The following CEP128 variants were observed in gnomAD, a reference collection of about 807,000 sequenced individuals.
CEP128 encodes centrosomal protein 128kDa.
CEP128 carries 132 observed loss-of-function variants against 156.7 expected under a neutral mutation model. That is an observed-to-expected ratio of 0.84 (90% CI 0.73 to 0.97). The LOEUF is 0.97. Among genes scored for constraint, CEP128 ranks in the 50% least tolerant of loss-of-function variants. CEP128 has a pLI of 0.00. For synonymous variants in CEP128, 469 were observed against 448.9 expected (o/e 1.04, Z -0.57); for missense variants, 1,252 against 1,281.9 (o/e 0.98, Z 0.36).
intron 18 of CEP128, among the ~76,000 whole-genome samples, chr14:80,754,902 C>A (rs1188333114): frequency 6.6e-6 from 1 of 152,186 alleles, no homozygotes; most frequent in Non-Finnish European, 1.5e-5. Context: ...CCCTCATCTA[C>A]GGAAACTGCT....
At chr14:80,622,339 T>C (rs1278415114) in intron 19 of CEP128, among the ~76,000 whole-genome samples, 1 of 151,810 alleles carries the variant, frequency 6.6e-6, no homozygotes, top group Non-Finnish European at 1.5e-5. Flanking sequence ...ACGTTAGACC[T>C]AAAACCATAA....
chr14:80,821,636 C>T (rs1042431990), intron 13 of CEP128, among the ~76,000 whole-genome samples: 9 of 126,182 alleles, frequency 7.1e-5, no homozygotes, highest in East Asian at 2.3e-4. Context: ...CACACACACA[C>T]ACACACATGC....
intron 19 of CEP128, among the ~76,000 whole-genome samples, chr14:80,664,165 A>T (rs1895516117): frequency 2.6e-5 from 4 of 152,152 alleles, no homozygotes; most frequent in Non-Finnish European, 5.9e-5. Flanking sequence ...TCTAGGTAAT[A>T]CCTAAAAATC....
At chr14:80,739,401 A>G (rs1898691978) in intron 19 of CEP128, among the ~76,000 whole-genome samples, 1 of 152,066 alleles carries the variant, frequency 6.6e-6, no homozygotes, top group Non-Finnish European at 1.5e-5. Context: ...GTTCTTTCCA[A>G]CATTCACTTC....
In CEP128 at chr14:80,678,049, A is replaced by AAAAATATATATAT; in HGVS notation, c.2806+65025_2806+65026insATATATATATTTT. ...ATGGACAGTTGCTCTATAAAAAAAA[A>AAAAATATATATAT]ATATATATATATATGTATATATATA... On this transcript the variant is annotated intron_variant, in intron 19 of 24. Coordinates refer to ENST00000555265, the MANE Select transcript of CEP128 (RefSeq NM_152446.5). Among the ~76,000 whole-genome samples the AAAAATATATATAT allele has an allele frequency of 7.1e-5, 7 of 98,502 alleles. 1 individual carries two copies. Among genetic ancestry groups the AAAAATATATATAT allele is most frequent in the African/African-American group, 1.9e-4 (6 of 31,718 alleles). The allele number at this position is 98,502 out of a possible 152,430, so 64.6% of individuals were successfully genotyped here.
chr14:80,568,032 C>T (rs544591643), intron 20 of CEP128, among the ~76,000 whole-genome samples: 1 of 152,046 alleles, frequency 6.6e-6, no homozygotes, highest in South Asian at 2.1e-4. Flanking sequence ...AATCATATTG[C>T]AAGAATGATT....
At chr14:80,556,244 T>G (rs981381324) in intron 21 of CEP128, among the ~76,000 whole-genome samples, 43 of 152,172 alleles carry the variant, frequency 2.8e-4, no homozygotes, top group Non-Finnish European at 1.3e-4. Flanking sequence ...CCAAATAGCA[T>G]ATAGCACTGA....
chr14:80,623,786 T>C (rs1317910045), intron 19 of CEP128, among the ~76,000 whole-genome samples: 1 of 152,118 alleles, frequency 6.6e-6, no homozygotes, highest in African/African-American at 2.4e-5. Context: ...ATTTTTCCTT[T>C]TATTTTCAGT....
In CEP128 at chr14:80,505,840, C is replaced by T. The variant is rs546923239; in HGVS notation, c.3073-820G>A. Among the ~76,000 whole-genome samples, 3 of 152,254 alleles carry T rather than the reference C, an allele frequency of 2.0e-5. No individual in the cohort carries two copies. In the East Asian group the frequency reaches 5.8e-4, roughly 29 times the overall value. Reference sequence around the variant, plus strand: ...GTACTTGTGGTTTTTTTCCTTCTTTCACTCATTCATTCATTCATTCACAAT... The same window carrying T: ...GTACTTGTGGTTTTTTTCCTTCTTTTACTCATTCATTCATTCATTCACAAT... On this transcript the variant is annotated intron_variant, in intron 23 of 24. Coordinates refer to ENST00000555265, the MANE Select transcript of CEP128 (RefSeq NM_152446.5).
intron 8 of CEP128, among the ~76,000 whole-genome samples, chr14:80,893,715 G>A (rs1566698763): frequency 6.6e-6 from 1 of 151,894 alleles, no homozygotes; most frequent in Admixed American, 6.6e-5. Context: ...GGGTGGGTAA[G>A]AAATTTTGGG....
chr14:80,701,882 G>A (rs117824497), intron 19 of CEP128, among the ~76,000 whole-genome samples: 415 of 152,240 alleles, frequency 2.7e-3, no homozygotes, highest in Middle Eastern at 0.01. Flanking sequence ...TTGCAGCCAC[G>A]ATGCCTTTGC....
chr14:80,694,301 G>A (rs974605307), intron 19 of CEP128, among the ~76,000 whole-genome samples: 3 of 152,106 alleles, frequency 2.0e-5, no homozygotes, highest in Admixed American at 6.6e-5. Context: ...CGCCGTTGGT[G>A]GGAGTGTAAA....
chr14:80,789,792 A>G (rs946664514), intron 14 of CEP128, among the ~76,000 whole-genome samples: 1 of 151,924 alleles, frequency 6.6e-6, no homozygotes, highest in Non-Finnish European at 1.5e-5. Context: ...ACGTGAATAC[A>G]AAGTATTATA....
intron 19 of CEP128, among the ~76,000 whole-genome samples, chr14:80,671,272 C>T (rs1895829968): frequency 6.6e-6 from 1 of 152,098 alleles, no homozygotes; most frequent in Non-Finnish European, 1.5e-5. Context: ...TTAAAGGCAG[C>T]CTATTAAATT....
At chr14:80,642,561 T>C (rs1894462498) in intron 19 of CEP128, among the ~76,000 whole-genome samples, 2 of 152,018 alleles carry the variant, frequency 1.3e-5, no homozygotes, top group Admixed American at 1.3e-4. Context: ...TGCATGCTTG[T>C]GGTCCCAACT....
chr14:80,900,935 G>A (rs372032825), intron 6 of CEP128, among the ~76,000 whole-genome samples: 15 of 151,932 alleles, frequency 9.9e-5, no homozygotes, highest in African/African-American at 3.6e-4. Flanking sequence ...GGCCGGGCGC[G>A]GTGGCTCACG....
intron 9 of CEP128, among the ~76,000 whole-genome samples, chr14:80,841,107 A>T (rs1886329849): frequency 6.6e-6 from 1 of 152,150 alleles, no homozygotes; most frequent in Non-Finnish European, 1.5e-5. Flanking sequence ...AAAGTTAAGA[A>T]AATACACATT....
chr14:80,714,437 T>C (rs1897528931), intron 19 of CEP128, among the ~76,000 whole-genome samples: 1 of 152,182 alleles, frequency 6.6e-6, no homozygotes, highest in African/African-American at 2.4e-5. Context: ...AAGGCCATTA[T>C]GTACATAGAG....
At chr14:80,658,746 A>C (rs1895277608) in intron 19 of CEP128, among the ~76,000 whole-genome samples, 1 of 152,188 alleles carries the variant, frequency 6.6e-6, no homozygotes, top group Non-Finnish European at 1.5e-5. Flanking sequence ...AAGAATTTGA[A>C]ACAGGCACAA....
Sources: gnomAD v4.1 joint callset for allele counts (sites outside exome capture counted in the v4.1 genomes callset) on GRCh38, gnomAD v4.1.1 for gene constraint, MANE v1.5 for transcripts, NCBI Gene and HGNC (gene_info 2026-07-23, HGNC 2026-07-21) for gene names.